PCDHA12: variants seen among roughly 807,000 people sequenced by gnomAD.
The protein encoded by PCDHA12 is protocadherin alpha-12.
PCDHA12 carries 44 observed loss-of-function variants against 60.0 expected under a neutral mutation model. The observed-to-expected ratio is 0.73, with a 90% CI of 0.58 to 0.94. The LOEUF is 0.94. PCDHA12 is among the 40% of genes least tolerant of loss of function. The pLI is 0.00. For synonymous variants in PCDHA12, 569 were observed against 553.0 expected, an observed-to-expected ratio of 1.03 and a Z score of -0.40; for missense variants, 1,276 against 1,239.7, an observed-to-expected ratio of 1.03 and a Z score of -0.44.
chr5:140,878,600 A>G (rs2153362487), intron 1 of PCDHA12, among the ~76,000 whole-genome samples: 1 of 152,320 alleles, frequency 6.6e-6, no homozygotes, highest in East Asian at 1.9e-4. Context: ...TACCAAGTGA[A>G]TCTTCTAATG....
intron 1 of PCDHA12, among the ~76,000 whole-genome samples, chr5:140,972,762 A>G (rs1048509158): frequency 4.7e-5 from 7 of 150,026 alleles, no homozygotes; most frequent in African/African-American, 1.7e-4. Context: ...CTCCCAAGTT[A>G]AAGTGATTCT....
chr5:140,884,488 G>T, intron 1 of PCDHA12: 1 of 1,614,046 alleles, frequency 6.2e-7, no homozygotes, highest in East Asian at 2.2e-5. Context: ...CCACTCTAGT[G>T]TGCTCCAGCG....
chr5:140,981,698 A>C (rs1414640370), intron 2 of PCDHA12, among the ~76,000 whole-genome samples: 1 of 151,174 alleles, frequency 6.6e-6, no homozygotes, highest in Non-Finnish European at 1.5e-5. Context: ...TCATTCATTC[A>C]TTCATTCATT....
chr5:140,891,782 T>C (rs574840881), intron 1 of PCDHA12, among the ~76,000 whole-genome samples: 1 of 152,284 alleles, frequency 6.6e-6, no homozygotes, highest in African/African-American at 2.4e-5. Flanking sequence ...AGGAAATGTT[T>C]AGATTATGAG....
intron 1 of PCDHA12, among the ~76,000 whole-genome samples, chr5:140,949,115 T>G (rs2094346093): frequency 6.6e-6 from 1 of 151,756 alleles, no homozygotes; most frequent in African/African-American, 2.4e-5. Context: ...TACAAATATT[T>G]TTGGTTTTCC....
chr5:140,927,705 C>T (rs2084535217), intron 1 of PCDHA12: 1 of 1,614,100 alleles, frequency 6.2e-7, no homozygotes, highest in African/African-American at 1.3e-5. Flanking sequence ...TCCAGTACTC[C>T]CTAAGCAACA....
Position 140,946,631 on chromosome 5 carries a change from T to TATATACAC in PCDHA12, c.2368-32317_2368-32316insTATACACA, listed in dbSNP as rs57893927. Among the ~76,000 whole-genome samples, 48 of 131,820 alleles carry TATATACAC rather than the reference T, an allele frequency of 3.6e-4. 1 individual carries two copies. Among genetic ancestry groups the TATATACAC allele is most frequent in the South Asian group, 8.9e-4 (4 of 4,516 alleles). The allele number at this position is 131,820 out of a possible 152,430, so 86.5% of individuals were successfully genotyped here. A position where few individuals can be genotyped will look rare whatever the true frequency, so the allele number is the denominator to read the frequency against. ...TGTGAAATATATATATATATATATA[T>TATATACAC]ACAATGGAATACTCATCAGCCATTA... is the stretch of plus-strand genomic sequence containing the variant. On this transcript the variant is annotated intron_variant, in intron 1 of 3. Coordinates refer to ENST00000398631, the MANE Select transcript of PCDHA12 (RefSeq NM_018903.4).
chr5:140,921,498 A>G (rs2080245132), intron 1 of PCDHA12, among the ~76,000 whole-genome samples: 1 of 152,230 alleles, frequency 6.6e-6, no homozygotes, highest in African/African-American at 2.4e-5. Context: ...TTAGTTTATT[A>G]GATAGTGCCT....
At chr5:140,969,162 C>T in intron 1 of PCDHA12, 1 of 1,614,110 alleles carries the variant, frequency 6.2e-7, no homozygotes, top group Non-Finnish European at 8.5e-7. Flanking sequence ...TGTCTGACAG[C>T]AGGCTCAGGG....
intron 1 of PCDHA12, among the ~76,000 whole-genome samples, chr5:140,935,799 A>T (rs1423027036): frequency 1.3e-5 from 2 of 151,978 alleles, no homozygotes; most frequent in African/African-American, 4.8e-5. Flanking sequence ...TATAAACGAG[A>T]TTATTTCATA....
chr5:140,875,426 A>G lies in PCDHA12; in HGVS notation c.-47A>G. 1 of 1,532,482 alleles carries G rather than the reference A, an allele frequency of 6.5e-7. No homozygotes were observed. Among genetic ancestry groups the G allele is most frequent in the Non-Finnish European group, 8.7e-7 (1 of 1,143,008 alleles). 94.9% of individuals were successfully genotyped at this position (1,532,482 alleles called of 1,614,324 possible). A position where few individuals can be genotyped will look rare whatever the true frequency, so the allele number is the denominator to read the frequency against. ...GCTCATAAAATACCTCAGGCAAGCG[A>G]TCCCTTAAAACTGATTGTCCCAACT... On this transcript the variant is annotated 5_prime_UTR_variant, in exon 1 of 4. Coordinates refer to ENST00000398631, the MANE Select transcript of PCDHA12 (RefSeq NM_018903.4).
At chr5:140,967,479 C>T (rs782390272) in intron 1 of PCDHA12, 7 of 1,613,262 alleles carry the variant, frequency 4.3e-6, no homozygotes, top group East Asian at 2.2e-5. Context: ...CCAGCCCGCT[C>T]GGGTACGGCA....
chr5:140,877,054 C>T lies in PCDHA12; in HGVS notation c.1582C>T (p.Leu528=), dbSNP rs1226224209. ...GCTGCAGCCGCTAGACCACGAGGAG[C>T]TGGAGCTGCTGCAGTTCCAGGTGAG... is the stretch of plus-strand genomic sequence containing the variant. ...YALQPLDHEE[L]ELLQFQVSAR... is the part of the protein sequence containing the mutation. Residue 528 remains leucine (L), a synonymous_variant, in exon 1 of 4, where the codon CTG becomes TTG. Coordinates refer to ENST00000398631, the MANE Select transcript of PCDHA12 (RefSeq NM_018903.4). 1.9e-6 allele frequency: 3 copies of T among 1,612,658 alleles called. No homozygotes were observed. The highest frequency in any genetic ancestry group is 2.7e-5 in the African/African-American group (2 of 74,900).
chr5:140,967,943 G>T, intron 1 of PCDHA12: 1 of 1,614,190 alleles, frequency 6.2e-7, no homozygotes. Flanking sequence ...CAATGACCAA[G>T]ACTCAGGCCC....
At chr5:140,943,326 G>A (rs1407826029) in intron 1 of PCDHA12, among the ~76,000 whole-genome samples, 10 of 149,948 alleles carry the variant, frequency 6.7e-5, no homozygotes, top group African/African-American at 2.5e-4. Flanking sequence ...ATATTGTGTA[G>A]TATCCATTGG....
chr5:140,945,992 G>T (rs1271634546), intron 1 of PCDHA12, among the ~76,000 whole-genome samples: 1 of 151,978 alleles, frequency 6.6e-6, no homozygotes, highest in Non-Finnish European at 1.5e-5. Flanking sequence ...CTAATGGATT[G>T]CATCAAACTA....
intron 1 of PCDHA12, among the ~76,000 whole-genome samples, chr5:140,912,519 T>G (rs770184717): frequency 6.6e-6 from 1 of 152,164 alleles, no homozygotes. Context: ...TCTTTAGGGT[T>G]TTCAGAGTAC....
At chr5:140,951,234 C>A (rs1003242029) in intron 1 of PCDHA12, among the ~76,000 whole-genome samples, 2 of 152,028 alleles carry the variant, frequency 1.3e-5, no homozygotes. Flanking sequence ...ATGGTCTTTA[C>A]CTTTAGGAAT....
chr5:140,957,133 A>G (rs1308855631), intron 1 of PCDHA12, among the ~76,000 whole-genome samples: 4 of 152,222 alleles, frequency 2.6e-5, no homozygotes, highest in African/African-American at 9.6e-5. Context: ...TTACTACACT[A>G]TGAACTAAAA....
Sources: gnomAD v4.1 joint callset for allele counts (sites outside exome capture counted in the v4.1 genomes callset) on GRCh38, gnomAD v4.1.1 for gene constraint, MANE v1.5 for transcripts, NCBI Gene and HGNC (gene_info 2026-07-23, HGNC 2026-07-21) for gene names.